The following MAP2K6 variants were observed in gnomAD, a reference collection of about 807,000 sequenced individuals.
MAP2K6 encodes mitogen-activated protein kinase kinase 6.
A neutral mutation model predicts 53.7 loss-of-function variants in MAP2K6; 16 were observed. That is an observed-to-expected ratio of 0.30 (90% confidence interval 0.20 to 0.45). The LOEUF is 0.45. MAP2K6 is among the 20% of genes least tolerant of loss of function. The probability of loss-of-function intolerance (pLI) is 1.00; values close to 1 mark genes in which losing one functional copy is unlikely to be tolerated. For missense variants in MAP2K6, 204 were observed against 411.9 expected (o/e 0.50, Z 4.37); for synonymous variants, 132 against 143.1 (o/e 0.92, Z 0.55).
At chr17:69,482,358 T>C (rs993589327) in intron 1 of MAP2K6, among the ~76,000 whole-genome samples, 4 of 152,092 alleles carry the variant, frequency 2.6e-5, no homozygotes, top group Admixed American at 2.0e-4. Flanking sequence ...GGTTCAAAAA[T>C]TGCAAAAGTT....
chr17:69,520,122 T>A (rs1350588753), intron 5 of MAP2K6, 148 bp from the exon 6 acceptor site: 1 of 579,960 alleles, frequency 1.7e-6, no homozygotes, highest in Non-Finnish European at 3.0e-6. Flanking sequence ...AATTCCTTTA[T>A]GATCTTGACA....
chr17:69,526,614 T>C lies in MAP2K6; in HGVS notation c.786T>C (p.Thr262=). 1.2e-6 allele frequency: 2 copies of C among 1,614,036 alleles called. No individual in the cohort carries two copies. The highest frequency in any genetic ancestry group is 1.7e-6 in the Non-Finnish European group (2 of 1,179,996). ...ILRFPYDSWG[T]PFQQLKQVVE... ...GATTTCCCTATGATTCATGGGGAAC[T>C]CCATTTCAGCAGCTCAAACAGGTGG... The change falls in exon 10 of 12, where the codon ACT becomes ACC. Residue 262 remains threonine (T), a synonymous_variant. Transcript: ENST00000590474.
chr17:69,453,824 A>G (rs900774299), intron 1 of MAP2K6, among the ~76,000 whole-genome samples: 1 of 152,220 alleles, frequency 6.6e-6, no homozygotes, highest in African/African-American at 2.4e-5. Flanking sequence ...CTCAATGCCC[A>G]GGCTGAGTTT....
chr17:69,499,789 A>G (rs1909081997), intron 1 of MAP2K6, among the ~76,000 whole-genome samples: 1 of 152,230 alleles, frequency 6.6e-6, no homozygotes, highest in African/African-American at 2.4e-5. Flanking sequence ...AGATTGTGAG[A>G]AAAGGTTTGC....
intron 1 of MAP2K6, among the ~76,000 whole-genome samples, chr17:69,463,627 C>T (rs1001764659): frequency 1.7e-4 from 26 of 150,052 alleles, no homozygotes; most frequent in African/African-American, 5.6e-4. Context: ...TATATATATA[C>T]ACACACACAT....
In MAP2K6 at chr17:69,525,429, A is replaced by G. The variant is rs1910716376; in HGVS notation, c.741+451A>G. 5.9e-5 allele frequency among the ~76,000 whole-genome samples: 9 copies of G among 152,236 alleles called. 1 individual carries two copies. The highest frequency in any genetic ancestry group is 5.9e-4 in the Admixed American group (9 of 15,278). ...CCCAGGATATTTTTATTGGAGAAGT[A>G]GAAGTCAAAGTCTGATCAGGTCAGT... On this transcript the variant is annotated intron_variant, in intron 9 of 11. Transcript: ENST00000590474.
chr17:69,530,871 C>G (rs1005279930), intron 10 of MAP2K6, among the ~76,000 whole-genome samples: 10 of 152,036 alleles, frequency 6.6e-5, no homozygotes, highest in African/African-American at 2.2e-4. Flanking sequence ...TGTTTGATTA[C>G]TGAAAGCTTG....
At chr17:69,516,670 G>A (rs543378098) in intron 2 of MAP2K6, among the ~76,000 whole-genome samples, 185 bp from the exon 3 acceptor site, 4 of 152,278 alleles carry the variant, frequency 2.6e-5, no homozygotes, top group South Asian at 2.1e-4. Context: ...AAGAGATTAA[G>A]TGATTTAAAC....
intron 1 of MAP2K6, among the ~76,000 whole-genome samples, chr17:69,425,114 T>C (rs957121809): frequency 2.0e-5 from 3 of 152,110 alleles, no homozygotes; most frequent in African/African-American, 7.2e-5. Context: ...TGCAGCCCCT[T>C]TTTGGCTTAG....
chr17:69,524,975 G>A lies in MAP2K6; in HGVS notation c.738G>A (p.Thr246=), dbSNP rs1307644754. The change falls in exon 9 of 12, where the codon ACG becomes ACA. Residue 246 remains threonine, a synonymous_variant. Coordinates refer to ENST00000590474, the MANE Select transcript of MAP2K6 (RefSeq NM_002758.4). ...CTGACATTTGGAGTCTGGGCATCAC[G>A]ATGGTAGTGTATGCCAATCATCATG... ...VKSDIWSLGI[T]MIELAILRFP... is the part of the protein sequence containing the mutation. The A allele has an allele frequency of 1.9e-6, 3 of 1,610,900 alleles. No homozygotes were observed. Among genetic ancestry groups the A allele is most frequent in the East Asian group, 2.2e-5 (1 of 44,840 alleles).
intron 1 of MAP2K6, chr17:69,502,474 T>C (rs1378799715): frequency 2.0e-6 from 2 of 985,338 alleles, no homozygotes; most frequent in Admixed American, 1.2e-4. Context: ...TTATTTGATG[T>C]AAACGTGAAG....
chr17:69,500,962 C>T (rs1389916612), intron 1 of MAP2K6, among the ~76,000 whole-genome samples: 1 of 152,150 alleles, frequency 6.6e-6, no homozygotes, highest in Admixed American at 6.5e-5. Context: ...TTCCCCTGCC[C>T]TGCTTCGTTC....
rs117286191 is a variant in MAP2K6 at position 69,424,442 on chromosome 17, T to C, written c.16+9442T>C. ...TTAGTGATGAATGTGAATTCTATCA[T>C]TTACTCTCACTATGGATCAGTGAGG... is the stretch of plus-strand genomic sequence containing the variant. On this transcript the variant is annotated intron_variant, in intron 1 of 11. Transcript: ENST00000590474. Among the ~76,000 whole-genome samples the C allele has an allele frequency of 2.4e-3, 363 of 152,314 alleles. 4 individuals are homozygous for C. The South Asian group carries it at 0.036, about 15-fold the overall frequency.
chr17:69,487,514 G>A (rs8065100), intron 1 of MAP2K6, among the ~76,000 whole-genome samples: 2,480 of 152,312 alleles, frequency 0.016, 69 homozygotes, highest in African/African-American at 0.055. Context: ...GTAACTTACA[G>A]CGTTCATTTA....
intron 1 of MAP2K6, among the ~76,000 whole-genome samples, chr17:69,432,540 A>G (rs1906496465): frequency 6.6e-6 from 1 of 152,150 alleles, no homozygotes; most frequent in South Asian, 2.1e-4. Flanking sequence ...ATCCTCAGCA[A>G]ACTAACACAG....
In MAP2K6 at chr17:69,487,507, A is replaced by G. The variant is rs749581275; in HGVS notation, c.17-18273A>G. On this transcript the variant is annotated intron_variant, in intron 1 of 11. Coordinates refer to ENST00000590474, the MANE Select transcript of MAP2K6 (RefSeq NM_002758.4). ...GAAACGGCAGTGTAGCTGATGGGTA[A>G]CTTACAGCGTTCATTTATCCCAGAC... Among the ~76,000 whole-genome samples the G allele has an allele frequency of 4.6e-5, 7 of 152,348 alleles. No homozygotes were observed. In the Middle Eastern group the frequency reaches 0.02, roughly 444 times the overall value.
intron 1 of MAP2K6, among the ~76,000 whole-genome samples, chr17:69,461,916 G>A (rs1907635100): frequency 6.6e-6 from 1 of 152,156 alleles, no homozygotes; most frequent in Admixed American, 6.5e-5. Context: ...CTTTTCCTCC[G>A]TGGTTGGCAG....
chr17:69,544,129 T>C lies in MAP2K6; in HGVS notation c.*2376T>C, dbSNP rs1179280002. The C allele has an allele frequency of 6.6e-6, 1 of 152,220 alleles. No homozygotes were observed. Among genetic ancestry groups the C allele is most frequent in the Non-Finnish European group, 1.5e-5 (1 of 68,032 alleles). 9.4% of individuals were successfully genotyped at this position (152,220 alleles called of 1,614,324 possible). On this transcript the variant is annotated 3_prime_UTR_variant, in exon 12 of 12. Coordinates refer to ENST00000590474, the MANE Select transcript of MAP2K6 (RefSeq NM_002758.4). ...TTAAATTTACTTTCTTTTGAACATT[T>C]GCAGGGAGTAACATGCCATTGCAGA...
At chr17:69,440,811 T>A (rs1906792360) in intron 1 of MAP2K6, among the ~76,000 whole-genome samples, 1 of 152,158 alleles carries the variant, frequency 6.6e-6, no homozygotes, top group African/African-American at 2.4e-5. Context: ...AGAAATCTAT[T>A]GTTACTCAAC....
Sources: gnomAD v4.1 joint callset for allele counts (sites outside exome capture counted in the v4.1 genomes callset) on GRCh38, gnomAD v4.1.1 for gene constraint, MANE v1.5 for transcripts, NCBI Gene and HGNC (gene_info 2026-07-23, HGNC 2026-07-21) for gene names.